TAFA2: variants seen among roughly 807,000 people sequenced by gnomAD.
The protein encoded by TAFA2 is chemokine-like protein TAFA-2.
A neutral mutation model predicts 18.8 loss-of-function variants in TAFA2; 7 were observed. The ratio of observed to expected loss-of-function variants is 0.37; its 90% confidence interval spans 0.21 to 0.70. TAFA2 has a LOEUF of 0.70. Ranked by LOEUF, TAFA2 falls within the 30% of genes least tolerant of loss-of-function variation. The pLI, the probability that TAFA2 is intolerant of heterozygous loss-of-function variation, is 0.53. For synonymous variants in TAFA2, 60 were observed against 54.2 expected (o/e 1.11, Z -0.47); for missense variants, 122 against 158.1 (o/e 0.77, Z 1.23).
chr12:61,884,584 A>C (rs1565668716), intron 1 of TAFA2, among the ~76,000 whole-genome samples: 1 of 152,200 alleles, frequency 6.6e-6, no homozygotes, highest in Non-Finnish European at 1.5e-5. Flanking sequence ...CTTAAAAACT[A>C]GAGATGCTAA....
chr12:62,027,059 A>G (rs375960600), intron 1 of TAFA2, among the ~76,000 whole-genome samples: 1 of 152,166 alleles, frequency 6.6e-6, no homozygotes, highest in South Asian at 2.1e-4. Context: ...CACTATTTCT[A>G]CAATAATTAT....
chr12:62,003,187 C>A (rs1880435749), intron 1 of TAFA2, among the ~76,000 whole-genome samples: 1 of 152,140 alleles, frequency 6.6e-6, no homozygotes, highest in South Asian at 2.1e-4. Flanking sequence ...CCAAAAGGAT[C>A]CTTTTAAATG....
intron 2 of TAFA2, among the ~76,000 whole-genome samples, chr12:61,758,580 T>A (rs1481142224): frequency 6.6e-6 from 1 of 151,920 alleles, no homozygotes. Context: ...TTTCATCTAT[T>A]TTTCCTAAGA....
At chr12:62,011,766 A>G (rs111265774) in intron 1 of TAFA2, among the ~76,000 whole-genome samples, 171 of 148,440 alleles carry the variant, frequency 1.2e-3, no homozygotes, top group Non-Finnish European at 1.2e-3. Flanking sequence ...AAAAAAAAAA[A>G]AAAGAAAAGA....
At chr12:62,233,754 G>T (rs1447869893) in intron 1 of TAFA2, among the ~76,000 whole-genome samples, 2 of 152,182 alleles carry the variant, frequency 1.3e-5, no homozygotes, top group Non-Finnish European at 2.9e-5. Flanking sequence ...GGTCAAAAAT[G>T]AGCCCCTTCT....
At chr12:61,713,508 C>G (rs116540771) in intron 4 of TAFA2, among the ~76,000 whole-genome samples, 2,132 of 152,238 alleles carry the variant, frequency 0.014, 40 homozygotes, top group African/African-American at 0.049. Flanking sequence ...AATGACTCAT[C>G]CTTTTCAACA....
At chr12:62,061,395 A>C (rs1336131588) in intron 1 of TAFA2, among the ~76,000 whole-genome samples, 1 of 152,232 alleles carries the variant, frequency 6.6e-6, no homozygotes, top group African/African-American at 2.4e-5. Flanking sequence ...TGTGTAGCCT[A>C]GGAGCAACAG....
At chr12:62,099,979 T>C (rs1355777299) in intron 1 of TAFA2, among the ~76,000 whole-genome samples, 3 of 152,188 alleles carry the variant, frequency 2.0e-5, no homozygotes, top group Non-Finnish European at 4.4e-5. Context: ...TCTTTTAAAG[T>C]AGAAAATATT....
chr12:61,872,573 G>GAATAA (rs1315833397), intron 1 of TAFA2, among the ~76,000 whole-genome samples: 10 of 152,036 alleles, frequency 6.6e-5, no homozygotes, highest in African/African-American at 2.4e-4. Context: ...ATTGAAATTA[G>GAATAA]AATAAAATAT....
intron 4 of TAFA2, among the ~76,000 whole-genome samples, chr12:61,742,653 A>G (rs945024196): frequency 6.6e-6 from 1 of 152,132 alleles, no homozygotes; most frequent in Non-Finnish European, 1.5e-5. Context: ...CTAGGGAATA[A>G]TAATTTCCAG....
At chr12:61,815,420 A>C (rs1289187893) in intron 2 of TAFA2, among the ~76,000 whole-genome samples, 2 of 151,378 alleles carry the variant, frequency 1.3e-5, no homozygotes, top group Non-Finnish European at 2.9e-5. Context: ...TAATCCCAGC[A>C]CTTTGGGAGG....
rs1212074538 is a variant in TAFA2 at position 62,225,049 on chromosome 12, A to T, written c.-130+33714T>A. Reference sequence around the variant, plus strand: ...GCGGAGGTTACAGTGAGCTGAGATCACACCACTGCACTCCAGCCTGGGCGA... The same window carrying T: ...GCGGAGGTTACAGTGAGCTGAGATCTCACCACTGCACTCCAGCCTGGGCGA... On this transcript the variant is annotated intron_variant, in intron 1 of 5. Transcript: ENST00000551619. 2.6e-5 allele frequency among the ~76,000 whole-genome samples: 4 copies of T among 152,018 alleles called. No individual in the cohort carries two copies. In the East Asian group the frequency reaches 7.7e-4, roughly 29 times the overall value.
chr12:61,936,242 C>T (rs1327630483), intron 1 of TAFA2, among the ~76,000 whole-genome samples: 1 of 152,124 alleles, frequency 6.6e-6, no homozygotes, highest in Non-Finnish European at 1.5e-5. Context: ...ATGATCATCT[C>T]AATAGATGCA....
At chr12:61,888,113 C>G (rs1351925240) in intron 1 of TAFA2, among the ~76,000 whole-genome samples, 1 of 152,008 alleles carries the variant, frequency 6.6e-6, no homozygotes, top group Non-Finnish European at 1.5e-5. Flanking sequence ...GAAACAGGAA[C>G]ACTTTTACAC....
At chr12:61,940,067 T>C (rs1877935333) in intron 1 of TAFA2, among the ~76,000 whole-genome samples, 1 of 152,200 alleles carries the variant, frequency 6.6e-6, no homozygotes, top group Non-Finnish European at 1.5e-5. Context: ...AATAATCTGT[T>C]CTGGCTGCTA....
At chr12:62,250,197 T>G (rs1208731905) in intron 1 of TAFA2, among the ~76,000 whole-genome samples, 1 of 152,206 alleles carries the variant, frequency 6.6e-6, no homozygotes, top group African/African-American at 2.4e-5. Flanking sequence ...ATACTTTAAC[T>G]GAATACAGAA....
At chr12:62,093,594 A>G (rs1565742244) in intron 1 of TAFA2, among the ~76,000 whole-genome samples, 1 of 152,080 alleles carries the variant, frequency 6.6e-6, no homozygotes, top group African/African-American at 2.4e-5. Flanking sequence ...TAGAATTTAT[A>G]CATCCAAACA....
intron 1 of TAFA2, among the ~76,000 whole-genome samples, chr12:61,914,884 C>G (rs112769843): frequency 0.036 from 5,514 of 152,078 alleles, 365 homozygotes; most frequent in African/African-American, 0.13. Context: ...ATGTGTTGGC[C>G]GGGCACAGTG....
At chr12:61,855,902 CA>C (rs906077596) in intron 2 of TAFA2, among the ~76,000 whole-genome samples, 1 of 151,626 alleles carries the variant, frequency 6.6e-6, no homozygotes, top group African/African-American at 2.4e-5. Flanking sequence ...GAAATAACAC[CA>C]AAAAGATAAA....
Sources: allele counts gnomAD v4.1 joint callset (sites outside exome capture counted in the v4.1 genomes callset), GRCh38; gene constraint gnomAD v4.1.1; transcripts MANE v1.5; gene names NCBI Gene and HGNC (gene_info 2026-07-23, HGNC 2026-07-21).